The following AGPS variants were observed in gnomAD, a reference collection of about 807,000 sequenced individuals.
The protein encoded by AGPS is alkylglycerone phosphate synthase.
Under a neutral mutation model 90.7 loss-of-function variants are expected in AGPS, and 26 were observed. That is an observed-to-expected ratio of 0.29 (90% CI 0.21 to 0.40). The LOEUF (loss-of-function observed/expected upper bound fraction) is 0.40. AGPS is among the 10% of genes least tolerant of loss of function. AGPS has a pLI of 1.00. For missense variants in AGPS, 540 were observed against 816.1 expected (o/e 0.66, Z 4.12); for synonymous variants, 294 against 285.3 (o/e 1.03, Z -0.31).
At chr2:177,439,431 T>C (rs1441370211) in intron 5 of AGPS, among the ~76,000 whole-genome samples, 1 of 152,188 alleles carries the variant, frequency 6.6e-6, no homozygotes, top group Non-Finnish European at 1.5e-5. Context: ...TCCTAGAAGA[T>C]AATTTTGCCT....
intron 12 of AGPS, among the ~76,000 whole-genome samples, chr2:177,493,894 A>G (rs1433405909): frequency 6.6e-6 from 1 of 152,200 alleles, no homozygotes; most frequent in African/African-American, 2.4e-5. Context: ...AGCAATGGAG[A>G]TAGAGAACGG....
intron 8 of AGPS, among the ~76,000 whole-genome samples, chr2:177,458,497 G>A (rs187766852): frequency 6.6e-6 from 1 of 152,112 alleles, no homozygotes; most frequent in East Asian, 1.9e-4. Flanking sequence ...CAAAGTCTCA[G>A]GATAGGGTGC....
At position 177,392,844 on chromosome 2, in the gene AGPS, T is replaced by C; in HGVS notation, c.55T>C (p.Tyr19His). Reference sequence around the variant, plus strand: ...GACTGGCTTGGGCGCGGGCGCGAGCTACGGGTCTGCAGCGGACCGGGACCG... The same window carrying C: ...GACTGGCTTGGGCGCGGGCGCGAGCCACGGGTCTGCAGCGGACCGGGACCG... ...GGTGLGAGAS[Y>H]GSAADRDRDP... The change falls in exon 1 of 20, where the codon TAC (tyrosine) becomes CAC (histidine). Residue 19 changes from tyrosine (Y) to histidine (H), a missense_variant. Around this residue, in one of 2 missense-constraint regions of AGPS, gnomAD observed 135 missense variants for 124.0 expected, o/e 1.09. Transcript: ENST00000264167. The C allele has an allele frequency of 6.4e-7, 1 of 1,551,692 alleles. No individual in the cohort carries two copies. Among genetic ancestry groups the C allele is most frequent in the Admixed American group, 1.9e-5 (1 of 51,980 alleles).
intron 2 of AGPS, among the ~76,000 whole-genome samples, chr2:177,421,831 C>T (rs1247577541): frequency 6.6e-6 from 1 of 152,124 alleles, no homozygotes; most frequent in African/African-American, 2.4e-5. Context: ...GAATTTCTCT[C>T]TTCTCGGACA....
intron 10 of AGPS, among the ~76,000 whole-genome samples, chr2:177,477,027 ATC>A (rs1441828328): frequency 6.6e-6 from 1 of 152,038 alleles, no homozygotes; most frequent in African/African-American, 2.4e-5. Flanking sequence ...ATCTAGTCGT[ATC>A]TCTGAATTTA....
intron 11 of AGPS, 79 bp from the exon 12 acceptor site, chr2:177,493,069 A>C (rs1478038315): frequency 9.4e-6 from 12 of 1,281,548 alleles, no homozygotes; most frequent in Non-Finnish European, 1.1e-6. Flanking sequence ...TAAATATAGA[A>C]AGATAATATT....
At chr2:177,496,493 A>G (rs900163914) in intron 12 of AGPS, among the ~76,000 whole-genome samples, 9 of 152,174 alleles carry the variant, frequency 5.9e-5, no homozygotes, top group Non-Finnish European at 1.3e-4. Flanking sequence ...AAATAAAAGA[A>G]AAAAATCCCC....
chr2:177,407,345 G>T (rs571036188), intron 1 of AGPS, among the ~76,000 whole-genome samples: 1 of 152,184 alleles, frequency 6.6e-6, no homozygotes, highest in South Asian at 2.1e-4. Flanking sequence ...AGAAATACCC[G>T]AGACTGGATA....
chr2:177,402,252 G>A (rs1559031333), intron 1 of AGPS, among the ~76,000 whole-genome samples: 1 of 152,158 alleles, frequency 6.6e-6, no homozygotes, highest in Admixed American at 6.5e-5. Context: ...GGATATCCAG[G>A]CAAATGAGTG....
intron 11 of AGPS, among the ~76,000 whole-genome samples, chr2:177,491,635 T>C (rs185643492): frequency 1.3e-5 from 2 of 151,990 alleles, no homozygotes; most frequent in East Asian, 1.9e-4. Context: ...ATTCCAGTTA[T>C]CTCCAAGATA....
intron 10 of AGPS, among the ~76,000 whole-genome samples, chr2:177,470,383 G>A (rs1035004968): frequency 6.6e-6 from 1 of 152,148 alleles, no homozygotes; most frequent in Non-Finnish European, 1.5e-5. Context: ...AAGGGACAAA[G>A]TTATTATAGT....
At chr2:177,474,879 A>G (rs557851453) in intron 10 of AGPS, among the ~76,000 whole-genome samples, 155 of 152,328 alleles carry the variant, frequency 1.0e-3, no homozygotes, top group African/African-American at 3.5e-3. Flanking sequence ...TGTGATTCAA[A>G]TAAATATTCT....
chr2:177,497,298 TAAAA>T (rs903182306), intron 12 of AGPS, among the ~76,000 whole-genome samples: 1 of 147,276 alleles, frequency 6.8e-6, no homozygotes, highest in Non-Finnish European at 1.5e-5. Context: ...TCTATATAAT[TAAAA>T]AAAAAAGTAA....
intron 13 of AGPS, among the ~76,000 whole-genome samples, chr2:177,499,381 G>A (rs1688492613): frequency 6.6e-6 from 1 of 151,716 alleles, no homozygotes; most frequent in South Asian, 2.1e-4. Flanking sequence ...GATTAACACT[G>A]TGGCATACTT....
intron 2 of AGPS, among the ~76,000 whole-genome samples, chr2:177,427,430 TGTC>T (rs1686117709): frequency 6.6e-6 from 1 of 152,204 alleles, no homozygotes; most frequent in Non-Finnish European, 1.5e-5. Flanking sequence ...TTCTTTTAGT[TGTC>T]ATGTTAGGTT....
At chr2:177,505,413 A>G (rs554513653) in intron 14 of AGPS, 93 bp from the exon 15 acceptor site, 2 of 1,117,686 alleles carry the variant, frequency 1.8e-6, no homozygotes, top group Non-Finnish European at 2.7e-6. Context: ...GATTTTTGTT[A>G]TTCAAACTTA....
intron 19 of AGPS, among the ~76,000 whole-genome samples, chr2:177,536,249 T>C (rs1162359493): frequency 6.6e-6 from 1 of 152,118 alleles, no homozygotes. Flanking sequence ...TCAGGACAAT[T>C]ACATCCATAA....
intron 1 of AGPS, among the ~76,000 whole-genome samples, chr2:177,407,906 A>G (rs1685510408): frequency 6.6e-6 from 1 of 150,862 alleles, no homozygotes; most frequent in Non-Finnish European, 1.5e-5. Context: ...CTCAAGAACC[A>G]TTGTCCTGAG....
At chr2:177,455,675 G>A (rs897356731) in intron 8 of AGPS, among the ~76,000 whole-genome samples, 11 of 152,024 alleles carry the variant, frequency 7.2e-5, no homozygotes, top group Admixed American at 5.9e-4. Flanking sequence ...TTGGGTAGAG[G>A]GGGAAGTTCC....
Sources: allele counts gnomAD v4.1 joint callset (sites outside exome capture counted in the v4.1 genomes callset), GRCh38; gene constraint gnomAD v4.1.1; regional missense constraint gnomAD v4.1.1; transcripts MANE v1.5; gene names NCBI Gene and HGNC (gene_info 2026-07-23, HGNC 2026-07-21).